The following SDR42E2 variants were observed in gnomAD, a reference collection of about 807,000 sequenced individuals.
SDR42E2 encodes the protein short chain dehydrogenase/reductase family 42E, member 2, also known as putative short-chain dehydrogenase/reductase family 42E member 2.
Under a neutral mutation model 10.5 loss-of-function variants are expected in SDR42E2, and 20 were observed. The observed-to-expected ratio is 1.90, with a 90% confidence interval of 1.34 to 2.77. The LOEUF (loss-of-function observed/expected upper bound fraction) is 2.77, where lower values mean the gene tolerates loss of function less well. Ranked by LOEUF, SDR42E2 falls within the 30% of genes most tolerant of loss-of-function variation. The pLI is 0.00. For synonymous variants in SDR42E2, 72 were observed against 39.2 expected, an observed-to-expected ratio of 1.84 and a Z score of -3.12; for missense variants, 162 against 104.2, an observed-to-expected ratio of 1.55 and a Z score of -2.42.
intron 7 of SDR42E2, among the ~76,000 whole-genome samples, chr16:22,174,062 G>A (rs1354073003): frequency 6.6e-6 from 1 of 151,620 alleles, no homozygotes. Flanking sequence ...ACTGGGTGCG[G>A]TGGCTCACAC....
At chr16:22,182,096 G>A in intron 9 of SDR42E2, 116 bp from the exon 10 acceptor site, 1 of 413,188 alleles carries the variant, frequency 2.4e-6, no homozygotes, top group Non-Finnish European at 4.3e-6. Flanking sequence ...GTGTCCTCAG[G>A]TATTGGAGCT....
chr16:22,164,660 C>A (rs899734333), intron 1 of SDR42E2, among the ~76,000 whole-genome samples: 1 of 152,210 alleles, frequency 6.6e-6, no homozygotes, highest in Admixed American at 6.5e-5. Flanking sequence ...GTACCAGCCA[C>A]CCACACTACT....
intron 5 of SDR42E2, among the ~76,000 whole-genome samples, chr16:22,170,172 C>T (rs922159204): frequency 1.8e-4 from 27 of 151,626 alleles, no homozygotes; most frequent in African/African-American, 5.6e-4. Flanking sequence ...CTGACCAACA[C>T]GAAGAGATCC....
In SDR42E2 at chr16:22,168,554, C is replaced by T. The variant is rs950907137; in HGVS notation, c.337-891C>T. Among the ~76,000 whole-genome samples, 9 of 151,688 alleles carry T rather than the reference C, an allele frequency of 5.9e-5. 1 individual carries two copies. Among genetic ancestry groups the T allele is most frequent in the Non-Finnish European group, 1.0e-4 (7 of 67,964 alleles). The stretch of plus-strand genomic sequence containing the variant: ...GTGCTGGGATTACAGGCATGAGATA[C>T]CACACCTGGCCAAAAATTTTTAAAA... On this transcript the variant is annotated intron_variant, in intron 4 of 12. Coordinates refer to ENST00000602312, the MANE Select transcript of SDR42E2 (RefSeq NM_001394319.2).
intron 10 of SDR42E2, 94 bp downstream of exon 10, chr16:22,182,371 G>C: frequency 7.6e-6 from 3 of 396,798 alleles, no homozygotes; most frequent in Non-Finnish European, 1.3e-5. Flanking sequence ...TTTTGAGACA[G>C]AGTTTTGCTC....
At chr16:22,184,050 G>C (rs1479315213) in intron 10 of SDR42E2, 131 bp from the exon 11 acceptor site, 1 of 395,748 alleles carries the variant, frequency 2.5e-6, no homozygotes, top group African/African-American at 2.1e-5. Flanking sequence ...TGGCTGCAGG[G>C]TCTGCCCCCT....
At chr16:22,171,567 C>T (rs1036500470) in intron 6 of SDR42E2, among the ~76,000 whole-genome samples, 10 of 151,956 alleles carry the variant, frequency 6.6e-5, no homozygotes, top group Non-Finnish European at 1.2e-4. Context: ...TTGCTTTGCT[C>T]TGTCACTCAG....
chr16:22,189,847 T>TGA (rs2046758802), intron 12 of SDR42E2, among the ~76,000 whole-genome samples: 2 of 151,866 alleles, frequency 1.3e-5, no homozygotes, highest in African/African-American at 4.8e-5. Flanking sequence ...AGTGTAGGGG[T>TGA]GAGACCTTTG....
At chr16:22,189,968 CCTCT>C (rs1188671411) in intron 12 of SDR42E2, among the ~76,000 whole-genome samples, 167 bp from the exon 13 acceptor site, 1 of 152,200 alleles carries the variant, frequency 6.6e-6, no homozygotes, top group African/African-American at 2.4e-5. Flanking sequence ...GAAAGGAAGA[CCTCT>C]CTAATGAGGG....
At chr16:22,189,764 C>T (rs1029616338) in intron 12 of SDR42E2, among the ~76,000 whole-genome samples, 1 of 152,208 alleles carries the variant, frequency 6.6e-6, no homozygotes, top group Non-Finnish European at 1.5e-5. Flanking sequence ...AGGCGTTCAC[C>T]TTCTCCTAGC....
intron 4 of SDR42E2, 41 bp from the exon 5 acceptor site, chr16:22,169,404 A>C: frequency 2.8e-6 from 2 of 703,234 alleles, no homozygotes; most frequent in South Asian, 3.0e-5. Flanking sequence ...GCAAGAAGGC[A>C]TGGGTAGCAC....
rs979858643 is a variant in SDR42E2 at position 22,165,531 on chromosome 16, A to AT, written c.-36-8dup. 3.0e-5 allele frequency: 12 copies of AT among 400,296 alleles called. No homozygotes were observed. The highest frequency in any genetic ancestry group is 4.4e-5 in the Admixed American group (1 of 22,648). The allele number at this position is 400,296 out of a possible 1,614,324, so 24.8% of individuals were successfully genotyped here. A position where few individuals can be genotyped will look rare whatever the true frequency, so the allele number is the denominator to read the frequency against. On this transcript the variant is annotated splice_polypyrimidine_tract_variant and intron_variant, in intron 1 of 12. Transcript: ENST00000602312. Reference sequence around the variant, plus strand: ...ACGATTCTAGAGCATTCTTTCTTCTATTTTTTTTCCCACAGGTGGTCGGTT... The same window carrying AT: ...ACGATTCTAGAGCATTCTTTCTTCTATTTTTTTTTCCCACAGGTGGTCGGTT...
intron 12 of SDR42E2, among the ~76,000 whole-genome samples, chr16:22,187,436 G>C (rs753034588): frequency 9.9e-5 from 15 of 151,868 alleles, no homozygotes; most frequent in African/African-American, 3.4e-4. Flanking sequence ...GGGCAACATA[G>C]CAAGACCTCA....
At chr16:22,165,331 G>A (rs1040233567) in intron 1 of SDR42E2, among the ~76,000 whole-genome samples, 13 of 151,972 alleles carry the variant, frequency 8.6e-5, no homozygotes, top group South Asian at 2.1e-4. Flanking sequence ...CAAGTGATCC[G>A]CCCACCTCAG....
intron 1 of SDR42E2, among the ~76,000 whole-genome samples, chr16:22,164,538 G>A (rs937031018): frequency 1.6e-4 from 25 of 152,222 alleles, no homozygotes; most frequent in African/African-American, 5.3e-4. Context: ...CAGCCTGGGC[G>A]ACAGAGAAAA....
intron 7 of SDR42E2, among the ~76,000 whole-genome samples, chr16:22,175,811 A>G (rs2046640178): frequency 6.6e-6 from 1 of 151,854 alleles, no homozygotes; most frequent in Non-Finnish European, 1.5e-5. Flanking sequence ...TGGCCAACAT[A>G]GCGAAGCCCC....
At chr16:22,167,600 A>G (rs993493329) in intron 4 of SDR42E2, among the ~76,000 whole-genome samples, 4 of 152,196 alleles carry the variant, frequency 2.6e-5, no homozygotes, top group Non-Finnish European at 5.9e-5. Flanking sequence ...CAACCTCTTC[A>G]GAGAGCAATG....
intron 7 of SDR42E2, among the ~76,000 whole-genome samples, chr16:22,176,779 G>A (rs1004300179): frequency 1.3e-5 from 2 of 152,172 alleles, no homozygotes; most frequent in Non-Finnish European, 2.9e-5. Flanking sequence ...CCTTCAGACT[G>A]TAACCCCAGA....
chr16:22,169,986 C>T (rs529102637), intron 5 of SDR42E2, among the ~76,000 whole-genome samples: 4 of 151,672 alleles, frequency 2.6e-5, no homozygotes, highest in African/African-American at 4.8e-5. Flanking sequence ...GAGCCGAGAT[C>T]GTGCCACTGC....
Sources: allele counts gnomAD v4.1 joint callset (sites outside exome capture counted in the v4.1 genomes callset), GRCh38; gene constraint gnomAD v4.1.1; transcripts MANE v1.5; gene names NCBI Gene and HGNC (gene_info 2026-07-23, HGNC 2026-07-21).